UBE4B: variants seen among roughly 807,000 people sequenced by gnomAD.
UBE4B encodes ubiquitination factor E4B.
UBE4B carries 27 observed loss-of-function variants against 148.1 expected under a neutral mutation model. The observed-to-expected ratio is 0.18, with a 90% CI of 0.13 to 0.25. UBE4B has a LOEUF of 0.25. UBE4B is among the 10% of genes least tolerant of loss of function. The pLI, the probability that UBE4B is intolerant of heterozygous loss-of-function variation, is 1.00. For missense variants in UBE4B, 1,170 were observed against 1,662.4 expected (o/e 0.70, Z 5.15); for synonymous variants, 596 against 619.3 (o/e 0.96, Z 0.56).
chr1:10,171,461 T>A lies in UBE4B; in HGVS notation c.3525+132T>A, dbSNP rs546597586. On this transcript the variant is annotated intron_variant, in intron 25 of 27. Coordinates refer to ENST00000343090, the MANE Select transcript of UBE4B (RefSeq NM_001105562.3). ...TTTCCTTTGAGTGTGAAGAGCAGAT[T>A]TGGGCTGGGCGCGGTGGCTCAGGCC... is the stretch of plus-strand genomic sequence containing the variant. The A allele has an allele frequency of 1.7e-5, 20 of 1,175,060 alleles. No homozygotes were observed. In the East Asian group the frequency reaches 3.2e-4, roughly 19 times the overall value. 72.8% of individuals were successfully genotyped at this position (1,175,060 alleles called of 1,614,324 possible).
intron 21 of UBE4B, among the ~76,000 whole-genome samples, chr1:10,152,407 C>A: frequency 6.6e-6 from 1 of 151,968 alleles, no homozygotes; most frequent in African/African-American, 2.4e-5. Context: ...ACCCTATAGC[C>A]AGTGTGCAGA....
At chr1:10,066,309 G>T (rs577788146) in intron 1 of UBE4B, among the ~76,000 whole-genome samples, 11 of 116,478 alleles carry the variant, frequency 9.4e-5, no homozygotes, top group South Asian at 6.4e-4. Flanking sequence ...TGTGGGATTG[G>T]GGGGGGAGGG....
chr1:10,121,683 C>T (rs1381390939), intron 9 of UBE4B, among the ~76,000 whole-genome samples: 5 of 152,120 alleles, frequency 3.3e-5, no homozygotes, highest in Non-Finnish European at 5.9e-5. Context: ...CGTGAGCCAC[C>T]GTGCCTGGCC....
chr1:10,140,706 A>G (rs373592173), intron 17 of UBE4B, among the ~76,000 whole-genome samples: 4 of 152,072 alleles, frequency 2.6e-5, no homozygotes, highest in East Asian at 3.9e-4. Flanking sequence ...AGAGACATTT[A>G]TGTTCACCTC....
chr1:10,048,898 C>T (rs765141794), intron 1 of UBE4B, among the ~76,000 whole-genome samples: 1 of 152,164 alleles, frequency 6.6e-6, no homozygotes, highest in Non-Finnish European at 1.5e-5. Context: ...TTATCTTTTT[C>T]TGTTTTAACT....
intron 2 of UBE4B, among the ~76,000 whole-genome samples, chr1:10,089,017 CT>C (rs1644805591): frequency 6.6e-6 from 1 of 151,856 alleles, no homozygotes; most frequent in African/African-American, 2.4e-5. Context: ...AAAATGTTTT[CT>C]TTTTTTGAGA....
chr1:10,108,515 C>CA (rs1645160532), intron 7 of UBE4B, among the ~76,000 whole-genome samples: 1 of 152,200 alleles, frequency 6.6e-6, no homozygotes, highest in Non-Finnish European at 1.5e-5. Context: ...TCCTCTGACT[C>CA]ATTGTCTTAC....
intron 25 of UBE4B, among the ~76,000 whole-genome samples, chr1:10,175,754 C>T (rs369149021): frequency 6.6e-6 from 1 of 152,184 alleles, no homozygotes; most frequent in Non-Finnish European, 1.5e-5. Flanking sequence ...TAATTGCTCC[C>T]TCCTCTAACC....
intron 21 of UBE4B, among the ~76,000 whole-genome samples, chr1:10,156,105 A>G (rs1193427886): frequency 1.3e-5 from 2 of 151,600 alleles, no homozygotes; most frequent in East Asian, 3.9e-4. Flanking sequence ...AGTCTAGTCC[A>G]CCTACGGCCT....
chr1:10,173,228 C>G (rs1646363330), intron 25 of UBE4B, among the ~76,000 whole-genome samples: 1 of 152,056 alleles, frequency 6.6e-6, no homozygotes, highest in Non-Finnish European at 1.5e-5. Flanking sequence ...CCTGTAATCC[C>G]AGCACTTTGG....
At chr1:10,041,391 A>G (rs1372747707) in intron 1 of UBE4B, among the ~76,000 whole-genome samples, 2 of 149,122 alleles carry the variant, frequency 1.3e-5, no homozygotes, top group African/African-American at 2.5e-5. Context: ...CTTGAGTGCA[A>G]TGGCCTGATC....
intron 1 of UBE4B, among the ~76,000 whole-genome samples, chr1:10,044,750 T>G (rs935846783): frequency 2.0e-5 from 3 of 151,986 alleles, no homozygotes; most frequent in African/African-American, 7.3e-5. Context: ...CCCGGCTAAT[T>G]TTTTGTATTT....
At position 10,068,464 on chromosome 1, in the gene UBE4B, C is replaced by T. The variant is rs576274966; in HGVS notation, c.25-3564C>T. On this transcript the variant is annotated intron_variant, in intron 1 of 27. Transcript: ENST00000343090. ...TCCCGGGTTGAAGTGATTCTCCTGC[C>T]GCGGCCTCCTCAGTAGCTGGGATTA... Among the ~76,000 whole-genome samples, 12 of 151,838 alleles carry T rather than the reference C, an allele frequency of 7.9e-5. No homozygotes were observed. In the South Asian group the frequency reaches 1.7e-3, roughly 21 times the overall value.
At chr1:10,044,774 A>T (rs1643880004) in intron 1 of UBE4B, among the ~76,000 whole-genome samples, 1 of 151,006 alleles carries the variant, frequency 6.6e-6, no homozygotes, top group Admixed American at 6.6e-5. Context: ...ATAGAGATAG[A>T]GTTTTACTAT....
At chr1:10,047,593 C>T (rs1458065958) in intron 1 of UBE4B, among the ~76,000 whole-genome samples, 4 of 150,710 alleles carry the variant, frequency 2.7e-5, no homozygotes, top group African/African-American at 7.3e-5. Flanking sequence ...CCCAGGTTCA[C>T]GCCATTCTCC....
At chr1:10,112,433 T>C (rs1387775142) in intron 7 of UBE4B, among the ~76,000 whole-genome samples, 1 of 152,232 alleles carries the variant, frequency 6.6e-6, no homozygotes, top group Non-Finnish European at 1.5e-5. Flanking sequence ...GGAGTCTCGC[T>C]CTGTCTCCCG....
chr1:10,089,194 A>C lies in UBE4B; in HGVS notation c.212-6267A>C, dbSNP rs201593320. Among the ~76,000 whole-genome samples the C allele has an allele frequency of 3.0e-4, 46 of 152,170 alleles. No individual in the cohort carries two copies. The East Asian group carries it at 7.4e-3, about 24-fold the overall frequency. On this transcript the variant is annotated intron_variant, in intron 2 of 27. Transcript: ENST00000343090. ...GCTAATTTTTGTATTTTTAGTAGAG[A>C]CAGGGTTTCACCATATTGGCCAGGA...
intron 2 of UBE4B, among the ~76,000 whole-genome samples, chr1:10,076,553 T>C (rs2101839790): frequency 6.6e-6 from 1 of 151,598 alleles, no homozygotes; most frequent in Middle Eastern, 3.5e-3. Context: ...CAAGAAGTGC[T>C]AACAGAGACA....
intron 2 of UBE4B, among the ~76,000 whole-genome samples, chr1:10,083,908 T>A (rs1644723581): frequency 6.6e-6 from 1 of 152,160 alleles, no homozygotes; most frequent in Non-Finnish European, 1.5e-5. Context: ...ACTTTGTGAA[T>A]CTGGTTAAAG....
Sources: allele counts gnomAD v4.1 joint callset (sites outside exome capture counted in the v4.1 genomes callset), GRCh38; gene constraint gnomAD v4.1.1; transcripts MANE v1.5; gene names NCBI Gene and HGNC (gene_info 2026-07-23, HGNC 2026-07-21).